RBM19: variants seen among roughly 807,000 people sequenced by gnomAD.
The protein encoded by RBM19 is probable RNA-binding protein 19.
Under a neutral mutation model 116.8 loss-of-function variants are expected in RBM19, and 94 were observed. That is an observed-to-expected ratio of 0.80 (90% CI 0.68 to 0.95). The LOEUF (loss-of-function observed/expected upper bound fraction) is 0.95. RBM19 is among the 40% of genes least tolerant of loss of function. The probability of loss-of-function intolerance (pLI) is 0.00; values close to 1 mark genes in which losing one functional copy is unlikely to be tolerated. For missense variants in RBM19, 1,161 were observed against 1,220.7 expected, an observed-to-expected ratio of 0.95 and a Z score of 0.73; for synonymous variants, 475 against 494.1, an observed-to-expected ratio of 0.96 and a Z score of 0.51.
rs1450513255 is a variant in RBM19 at position 113,823,212 on chromosome 12, C to G, written c.*12G>C. Reference sequence around the variant, plus strand: ...CCAGGGCCCCGGAGCCACACACCCTCTCGGTGCCAGCTCACAGCTGAAGGG... The same window carrying G: ...CCAGGGCCCCGGAGCCACACACCCTGTCGGTGCCAGCTCACAGCTGAAGGG... On this transcript the variant is annotated 3_prime_UTR_variant, in exon 24 of 24. Coordinates refer to ENST00000261741, the MANE Select transcript of RBM19 (RefSeq NM_016196.4). 1.2e-6 allele frequency: 2 copies of G among 1,607,000 alleles called. No individual in the cohort carries two copies. Among genetic ancestry groups the G allele is most frequent in the South Asian group, 2.2e-5 (2 of 91,042 alleles).
At chr12:113,940,217 GACAC>G in intron 14 of RBM19, 57 bp from the exon 15 acceptor site, 1 of 1,536,772 alleles carries the variant, frequency 6.5e-7, no homozygotes, top group Non-Finnish European at 8.9e-7. Flanking sequence ...GTCCCCAGCT[GACAC>G]CAGCAGGGAT....
At chr12:113,905,918 T>C (rs1882010958) in intron 21 of RBM19, among the ~76,000 whole-genome samples, 1 of 152,164 alleles carries the variant, frequency 6.6e-6, no homozygotes. Flanking sequence ...GTAATACCAC[T>C]GTAGCCATTA....
rs139736455 is a variant in RBM19 at position 113,918,432 on chromosome 12, C to T, written c.2401G>A (p.Gly801Ser). The T allele has an allele frequency of 9.6e-5, 155 of 1,614,174 alleles. No individual in the cohort carries two copies. The highest frequency in any genetic ancestry group is 1.7e-4 in the Middle Eastern group (1 of 6,056). The change falls in exon 20 of 24, where the codon GGC becomes AGC. Residue 801 changes from glycine (G) to serine (S), a missense_variant. Coordinates refer to ENST00000261741, the MANE Select transcript of RBM19 (RefSeq NM_016196.4). ...GAGATCCTCACTTCCAGCTTGTGGC[C>T]GTCCACGACGTGACCCTAAGAGAGA... The part of the protein sequence containing the change: ...LKQLQGHVVD[G>S]HKLEVRISER...
chr12:113,951,532 CACACAA>C lies in RBM19; in HGVS notation c.1000+974_1000+979del, dbSNP rs1871458476. Among the ~76,000 whole-genome samples the C allele has an allele frequency of 2.0e-5, 3 of 150,576 alleles. No homozygotes were observed. The South Asian group carries it at 6.3e-4, about 32-fold the overall frequency. On this transcript the variant is annotated intron_variant, in intron 8 of 23. Coordinates refer to ENST00000261741, the MANE Select transcript of RBM19 (RefSeq NM_016196.4). ...ACAGGTTTACCTGACTGCACACACACACACAAACACACACACACTCACACACACAAA... is the reference window on the plus strand; with the variant it reads ...ACAGGTTTACCTGACTGCACACACACACACACACACACTCACACACACAAA...
At chr12:113,884,199 G>A (rs1880362544) in intron 21 of RBM19, among the ~76,000 whole-genome samples, 1 of 150,760 alleles carries the variant, frequency 6.6e-6, no homozygotes, top group Non-Finnish European at 1.5e-5. Context: ...TGGGAGGATC[G>A]CTTGAGCTAG....
intron 21 of RBM19, among the ~76,000 whole-genome samples, chr12:113,914,381 A>T (rs1219854853): frequency 6.6e-6 from 1 of 152,224 alleles, no homozygotes; most frequent in African/African-American, 2.4e-5. Flanking sequence ...TTATGTGTGC[A>T]GGTAATTCGC....
At chr12:113,918,274 G>C (rs1882895034) in intron 20 of RBM19, 118 bp downstream of exon 20, 3 of 996,364 alleles carry the variant, frequency 3.0e-6, no homozygotes, top group Non-Finnish European at 1.6e-6. Flanking sequence ...AGTCCTAAAT[G>C]GTAAAGGGAT....
At position 113,927,122 on chromosome 12, in the gene RBM19, T is replaced by G. The variant is rs776391021; in HGVS notation, c.2176A>C (p.Ser726Arg). The change falls in exon 17 of 24, where the codon AGC (serine) becomes CGC (arginine). Residue 726 changes from serine to arginine, a missense_variant. Physicochemically the swap from Ser to Arg is moderately radical, Grantham distance 110. Coordinates refer to ENST00000261741, the MANE Select transcript of RBM19 (RefSeq NM_016196.4). ...ATAAACAGAGTACATCCTGGGAGGC[T>G]CTCTTCTTCTTCTTCCTCTTCCTCC... is the stretch of plus-strand genomic sequence containing the variant. ...EEEEEEEEEE[S>R]LPGCTLFIKN... 6.2e-7 allele frequency: 1 copy of G among 1,613,378 alleles called. No individual in the cohort carries two copies. Among genetic ancestry groups the G allele is most frequent in the Non-Finnish European group, 8.5e-7 (1 of 1,179,890 alleles).
chr12:113,837,289 G>A (rs1876048821), intron 23 of RBM19, among the ~76,000 whole-genome samples: 1 of 120,664 alleles, frequency 8.3e-6, no homozygotes, highest in South Asian at 2.6e-4. Context: ...GTGTGCTACT[G>A]CCCAGGCTTA....
At chr12:113,925,280 A>G (rs898971374) in intron 17 of RBM19, among the ~76,000 whole-genome samples, 2 of 152,128 alleles carry the variant, frequency 1.3e-5, no homozygotes, top group African/African-American at 4.8e-5. Flanking sequence ...ATACCCAATA[A>G]ACATTCACTA....
intron 23 of RBM19, among the ~76,000 whole-genome samples, chr12:113,833,928 T>C (rs879880664): frequency 2.0e-5 from 3 of 152,026 alleles, no homozygotes; most frequent in Non-Finnish European, 4.4e-5. Flanking sequence ...AGTTTTTTTT[T>C]AGAGACGGGG....
chr12:113,937,786 C>T (rs569441671), intron 15 of RBM19, among the ~76,000 whole-genome samples: 138 of 150,404 alleles, frequency 9.2e-4, no homozygotes, highest in Non-Finnish European at 1.7e-3. Context: ...AAAGAGGGGC[C>T]CTGGGCAGGC....
chr12:113,926,497 G>A (rs1400934211), intron 17 of RBM19, among the ~76,000 whole-genome samples: 3 of 152,210 alleles, frequency 2.0e-5, no homozygotes, highest in Middle Eastern at 3.2e-3. Context: ...TGGAGGCCCC[G>A]TTGTTTCCTG....
chr12:113,933,389 C>T lies in RBM19; in HGVS notation c.2068+3618G>A, dbSNP rs181779775. Among the ~76,000 whole-genome samples, 712 of 152,114 alleles carry T rather than the reference C, an allele frequency of 4.7e-3. 7 individuals are homozygous for T. Among genetic ancestry groups the T allele is most frequent in the African/African-American group, 0.016 (673 of 41,494 alleles). ...AGCAGGTGAAAAGAACAGCACCCGC[C>T]AGGAGGGGCTGTGCATGTGCTGCGT... On this transcript the variant is annotated intron_variant, in intron 16 of 23. Transcript: ENST00000261741.
At position 113,823,036 on chromosome 12, in the gene RBM19, C is replaced by T. The variant is rs1874544003; in HGVS notation, c.*188G>A. The T allele has an allele frequency of 5.1e-6, 3 of 593,618 alleles. No homozygotes were observed. The highest frequency in any genetic ancestry group is 3.0e-5 in the Admixed American group (1 of 33,122). 36.8% of individuals were successfully genotyped at this position (593,618 alleles called of 1,614,324 possible). ...CGCGTCACTGGTGAAACCCAGGATG[C>T]CTGGGCCGCTGGGCAGTGGCCTGAG... is the stretch of plus-strand genomic sequence containing the variant. On this transcript the variant is annotated 3_prime_UTR_variant, in exon 24 of 24. Transcript: ENST00000261741.
At position 113,927,608 on chromosome 12, in the gene RBM19, A is replaced by C. The variant is rs531903239; in HGVS notation, c.2069-379T>G. On this transcript the variant is annotated intron_variant, in intron 16 of 23. Coordinates refer to ENST00000261741, the MANE Select transcript of RBM19 (RefSeq NM_016196.4). ...TCAAAAAACAAAAAAAAAAAAACAA[A>C]AAAAAAAAAACCAGCACTTAGTGAA... Among the ~76,000 whole-genome samples the C allele has an allele frequency of 9.9e-4, 118 of 119,580 alleles. No homozygotes were observed. The Middle Eastern group carries it at 0.013, about 14-fold the overall frequency. The allele number at this position is 119,580 out of a possible 152,430, so 78.4% of individuals were successfully genotyped here.
intron 17 of RBM19, among the ~76,000 whole-genome samples, 168 bp downstream of exon 17, chr12:113,926,886 T>G (rs1336718805): frequency 6.6e-6 from 1 of 152,234 alleles, no homozygotes; most frequent in East Asian, 1.9e-4. Context: ...CGTTGAGTCA[T>G]CTACTGGACA....
Position 113,931,597 on chromosome 12 carries a change from C to T in RBM19, c.2069-4368G>A, listed in dbSNP as rs566371720. The stretch of plus-strand genomic sequence containing the variant: ...CCCCTCTCCCTGGCTCGCCACCTTC[C>T]CTGACTTCATCCCTCACCCTTTTCC... On this transcript the variant is annotated intron_variant, in intron 16 of 23. Transcript: ENST00000261741. Among the ~76,000 whole-genome samples, 198 of 152,290 alleles carry T rather than the reference C, an allele frequency of 1.3e-3. 3 individuals are homozygous for T. The highest frequency in any genetic ancestry group is 4.4e-3 in the African/African-American group (182 of 41,568).
chr12:113,883,752 A>T (rs1360828939), intron 21 of RBM19, among the ~76,000 whole-genome samples: 1 of 152,224 alleles, frequency 6.6e-6, no homozygotes, highest in African/African-American at 2.4e-5. Context: ...CCTGCTGTAG[A>T]TGGGGCCACT....
Sources: gnomAD v4.1 joint callset for allele counts (sites outside exome capture counted in the v4.1 genomes callset) on GRCh38, gnomAD v4.1.1 for gene constraint, MANE v1.5 for transcripts, NCBI Gene and HGNC (gene_info 2026-07-23, HGNC 2026-07-21) for gene names.